Variants in MAPK4 observed in about 807,000 individuals in gnomAD.
MAPK4 encodes mitogen-activated protein kinase 4.
In MAPK4, 22 loss-of-function variants were observed where a neutral mutation model predicts 47.7. The observed-to-expected ratio is 0.46, with a 90% confidence interval of 0.33 to 0.66. The LOEUF is 0.66. Ranked by LOEUF, MAPK4 falls within the 30% of genes least tolerant of loss-of-function variation. The pLI, the probability that MAPK4 is intolerant of heterozygous loss-of-function variation, is 0.02. For missense variants in MAPK4, 736 were observed against 831.7 expected (o/e 0.88, Z 1.42); for synonymous variants, 390 against 365.7 (o/e 1.07, Z -0.76).
chr18:50,701,598 T>C (rs1326043593), intron 2 of MAPK4, among the ~76,000 whole-genome samples: 2 of 152,118 alleles, frequency 1.3e-5, no homozygotes, highest in African/African-American at 4.8e-5. Flanking sequence ...GAAATCCTGC[T>C]AAGGCCCACG....
At chr18:50,567,885 AGGTATAGT>A (rs1342364751) in intron 1 of MAPK4, among the ~76,000 whole-genome samples, 1 of 151,798 alleles carries the variant, frequency 6.6e-6, no homozygotes, top group East Asian at 1.9e-4. Flanking sequence ...CTGATCTCAT[AGGTATAGT>A]GGCCATTTTA....
At position 50,678,293 on chromosome 18, in the gene MAPK4, G is replaced by A. The variant is rs1908389878; in HGVS notation, c.546+13789G>A. ...AGGGGAAGGGAGTTGAACTCAAAAG[G>A]AGACCAGAATACAGAGCCCCCTTAA... On this transcript the variant is annotated intron_variant, in intron 2 of 5. Transcript: ENST00000400384. The surrounding 1 kb of genome is among the most constrained non-coding windows in gnomAD (Gnocchi z 4.2). 6.6e-6 allele frequency among the ~76,000 whole-genome samples: 1 copy of A among 152,178 alleles called. No individual in the cohort carries two copies. The highest frequency in any genetic ancestry group is 6.5e-5 in the Admixed American group (1 of 15,280).
At chr18:50,602,445 G>A (rs779973379) in intron 1 of MAPK4, among the ~76,000 whole-genome samples, 4 of 152,148 alleles carry the variant, frequency 2.6e-5, no homozygotes, top group Non-Finnish European at 5.9e-5. Flanking sequence ...CTATCAGAAT[G>A]ACCAGCCCTG....
At chr18:50,683,451 GGGGT>G (rs919732953) in intron 2 of MAPK4, among the ~76,000 whole-genome samples, 23 of 116,508 alleles carry the variant, frequency 2.0e-4, no homozygotes, top group African/African-American at 7.9e-4. Flanking sequence ...TATTGGTGAT[GGGGT>G]GTGTGTGTGT....
chr18:50,627,189 G>A (rs954121657), intron 1 of MAPK4, among the ~76,000 whole-genome samples: 5 of 152,058 alleles, frequency 3.3e-5, no homozygotes, highest in Non-Finnish European at 7.4e-5. Flanking sequence ...GACCAGCCTT[G>A]GGGAATGGCT....
At chr18:50,577,788 C>A (rs1287285346) in intron 1 of MAPK4, among the ~76,000 whole-genome samples, 1 of 152,180 alleles carries the variant, frequency 6.6e-6, no homozygotes, top group Non-Finnish European at 1.5e-5. Flanking sequence ...CAGCTCACGA[C>A]CACAGCCTTC....
At chr18:50,569,015 A>G (rs555058707) in intron 1 of MAPK4, among the ~76,000 whole-genome samples, 2 of 152,246 alleles carry the variant, frequency 1.3e-5, no homozygotes, top group South Asian at 4.1e-4. Flanking sequence ...TACATTCTGT[A>G]TCTGGTAATT....
intron 1 of MAPK4, among the ~76,000 whole-genome samples, chr18:50,647,296 G>A (rs1568060891): frequency 6.6e-6 from 1 of 152,206 alleles, no homozygotes; most frequent in Admixed American, 6.5e-5. Flanking sequence ...AGAATTTATT[G>A]AAAATGGTCT....
At chr18:50,600,655 CTG>C (rs1336700668) in intron 1 of MAPK4, among the ~76,000 whole-genome samples, 1 of 152,164 alleles carries the variant, frequency 6.6e-6, no homozygotes, top group African/African-American at 2.4e-5. Context: ...ATTTGTGAAA[CTG>C]TAATAAATGT....
At chr18:50,662,499 C>A (rs186814729) in intron 1 of MAPK4, among the ~76,000 whole-genome samples, 1 of 152,174 alleles carries the variant, frequency 6.6e-6, no homozygotes, top group Admixed American at 6.5e-5. Context: ...AAAGAGAGTC[C>A]TTTTATTATA....
At chr18:50,559,626 C>T (rs1231423818), upstream of MAPK4, among the ~76,000 whole-genome samples, 6 of 105,308 alleles carry the variant, frequency 5.7e-5, no homozygotes, top group Non-Finnish European at 1.4e-4. Flanking sequence ...ACCCTCCCAC[C>T]GGGCCCCCGG....
intron 1 of MAPK4, among the ~76,000 whole-genome samples, chr18:50,657,424 A>T (rs570272111): frequency 6.6e-6 from 1 of 152,262 alleles, no homozygotes; most frequent in African/African-American, 2.4e-5. Flanking sequence ...ATATGGTACA[A>T]TCCCATAAAA....
At chr18:50,624,064 A>G (rs1016785734) in intron 1 of MAPK4, among the ~76,000 whole-genome samples, 1 of 152,182 alleles carries the variant, frequency 6.6e-6, no homozygotes, top group Non-Finnish European at 1.5e-5. Flanking sequence ...CAATCACATC[A>G]CCTGTCCCTA....
intron 1 of MAPK4, among the ~76,000 whole-genome samples, chr18:50,592,807 A>G (rs540107465): frequency 2.6e-5 from 4 of 152,342 alleles, no homozygotes; most frequent in South Asian, 2.1e-4. Context: ...GTGTAGTCCA[A>G]CTTTTCATCT....
chr18:50,723,344 C>G lies in MAPK4; in HGVS notation c.853+1245C>G, dbSNP rs562139152. Among the ~76,000 whole-genome samples, 3 of 152,296 alleles carry G rather than the reference C, an allele frequency of 2.0e-5. No homozygotes were observed. In the South Asian group the frequency reaches 6.2e-4, roughly 32 times the overall value. ...GGGGTACACACAGCACTTCCACCCC[C>G]ATTCCATCAGCCCCAGGCACACAGC... On this transcript the variant is annotated intron_variant, in intron 4 of 5. Coordinates refer to ENST00000400384, the MANE Select transcript of MAPK4 (RefSeq NM_002747.4).
At chr18:50,724,858 C>T (rs1911109519) in intron 4 of MAPK4, among the ~76,000 whole-genome samples, 1 of 152,210 alleles carries the variant, frequency 6.6e-6, no homozygotes, top group South Asian at 2.1e-4. Context: ...TTCTCCCTCT[C>T]CATGTGGGCT....
At chr18:50,662,136 C>T (rs1598881827) in intron 1 of MAPK4, among the ~76,000 whole-genome samples, 2 of 152,254 alleles carry the variant, frequency 1.3e-5, no homozygotes, top group East Asian at 1.9e-4. Flanking sequence ...GGAGGCCCTG[C>T]GATATGAGAA....
chr18:50,678,710 C>G lies in MAPK4; in HGVS notation c.546+14206C>G, dbSNP rs75224568. On this transcript the variant is annotated intron_variant, in intron 2 of 5. Coordinates refer to ENST00000400384, the MANE Select transcript of MAPK4 (RefSeq NM_002747.4). The surrounding 1 kb of genome is among the most constrained non-coding windows in gnomAD (Gnocchi z 4.2). ...TTGGTCCCACAGCTGCCCCCACACTCTTATTCTTGCTTTCTTCTCTTCCAA... is the reference window on the plus strand; with the variant it reads ...TTGGTCCCACAGCTGCCCCCACACTGTTATTCTTGCTTTCTTCTCTTCCAA... Among the ~76,000 whole-genome samples, 2,004 of 152,318 alleles carry G rather than the reference C, an allele frequency of 0.013. 46 individuals carry two copies. The highest frequency in any genetic ancestry group is 0.045 in the African/African-American group (1,887 of 41,558).
chr18:50,565,456 T>C (rs779272261), intron 1 of MAPK4, among the ~76,000 whole-genome samples: 58 of 152,024 alleles, frequency 3.8e-4, no homozygotes, highest in Admixed American at 7.9e-4. Flanking sequence ...ATTTGAAGAG[T>C]TTATAACAGG....
Sources: allele counts gnomAD v4.1 joint callset (sites outside exome capture counted in the v4.1 genomes callset), GRCh38; gene constraint gnomAD v4.1.1; non-coding constraint Gnocchi (gnomAD v3.1); transcripts MANE v1.5; gene names NCBI Gene and HGNC (gene_info 2026-07-23, HGNC 2026-07-21).